The following RSAD2 variants were observed in gnomAD, a reference collection of about 807,000 sequenced individuals.
RSAD2 encodes S-adenosylmethionine-dependent nucleotide dehydratase RSAD2.
A neutral mutation model predicts 37.7 loss-of-function variants in RSAD2; 38 were observed. That is an observed-to-expected ratio of 1.01 (90% CI 0.78 to 1.32). RSAD2 has a LOEUF of 1.32. Among genes scored for constraint, RSAD2 ranks in the 40% most tolerant of loss-of-function variants. The probability of loss-of-function intolerance (pLI) is 0.00; values close to 1 mark genes in which losing one functional copy is unlikely to be tolerated. For missense variants in RSAD2, 428 were observed against 437.5 expected, an observed-to-expected ratio of 0.98 and a Z score of 0.19; for synonymous variants, 163 against 157.4, an observed-to-expected ratio of 1.04 and a Z score of -0.27.
At chr2:6,882,100 C>T (rs536433822) in intron 1 of RSAD2, among the ~76,000 whole-genome samples, 20 of 152,310 alleles carry the variant, frequency 1.3e-4, no homozygotes, top group African/African-American at 4.8e-4. Flanking sequence ...AACCAGTTTA[C>T]CTCTCTGTCT....
rs775901190 is a variant in RSAD2, at chr2:6,883,431, T to A, written c.407T>A (p.Leu136Gln). 6.2e-7 allele frequency: 1 copy of A among 1,614,196 alleles called. No homozygotes were observed. Among genetic ancestry groups the A allele is most frequent in the Non-Finnish European group, 8.5e-7 (1 of 1,180,036 alleles). ...EPFLQDRGEY[L>Q]GKLVRFCKVE... is the part of the protein sequence containing the mutation. ...TTTCTTCAAGACCGGGGAGAATACCTGGGCAAGTTGGTGAGGTTCTGCAAA... is the reference window on the plus strand; with the variant it reads ...TTTCTTCAAGACCGGGGAGAATACCAGGGCAAGTTGGTGAGGTTCTGCAAA... The change falls in exon 2 of 6, where the codon CTG (leucine) becomes CAG (glutamine). Residue 136 changes from leucine to glutamine, a missense_variant. By Grantham distance (113) the Leu-to-Gln change is moderately radical. Transcript: ENST00000382040.
chr2:6,879,298 T>G (rs994877961), intron 1 of RSAD2, among the ~76,000 whole-genome samples: 1 of 152,012 alleles, frequency 6.6e-6, no homozygotes, highest in Non-Finnish European at 1.5e-5. Context: ...CATTGAAAAC[T>G]CCTGATCTTT....
Position 6,878,032 on chromosome 2 carries a change from C to T in RSAD2, c.232C>T (p.His78Tyr). The change falls in exon 1 of 6, where the codon CAC (histidine) becomes TAC (tyrosine). Residue 78 changes from histidine to tyrosine, a missense_variant. His to Tyr is a moderately conservative substitution (Grantham distance 83). Coordinates refer to ENST00000382040, the MANE Select transcript of RSAD2 (RefSeq NM_080657.5). ...LPTTPTSVNY[H>Y]FTRQCNYKCG... ...CACCACCCCAACCAGCGTCAACTAT[C>T]ACTTCACTCGCCAGTGCAACTACAA... The T allele has an allele frequency of 6.2e-7, 1 of 1,614,222 alleles. No individual in the cohort carries two copies. The highest frequency in any genetic ancestry group is 8.5e-7 in the Non-Finnish European group (1 of 1,180,032).
At chr2:6,866,678 C>G (rs1663098877) in intron 1 of RSAD2, 1 of 153,786 alleles carries the variant, frequency 6.5e-6, no homozygotes, top group Non-Finnish European at 1.4e-5. Context: ...ATATTTTATT[C>G]TGTGTTTACT....
chr2:6,875,478 T>A (rs988738957), upstream of RSAD2, among the ~76,000 whole-genome samples: 4 of 152,202 alleles, frequency 2.6e-5, no homozygotes, highest in African/African-American at 9.6e-5. Flanking sequence ...AGTTCTGAAT[T>A]CATCCAGATG....
At position 6,886,950 on chromosome 2, in the gene RSAD2, T is replaced by G. The variant is rs940765990; in HGVS notation, c.524T>G (p.Ile175Ser). Reference sequence around the variant, plus strand: ...TTTCCCTCAGGTGAGTATTTGGACATTCTCGCTATCTCCTGTGACAGCTTT... The same window carrying G: ...TTTCCCTCAGGTGAGTATTTGGACAGTCTCGCTATCTCCTGTGACAGCTTT... ...WFQNYGEYLD[I>S]LAISCDSFDE... The change falls in exon 3 of 6, where the codon ATT becomes AGT. Residue 175 changes from isoleucine (I) to serine (S), a missense_variant. Ile to Ser is a moderately radical substitution (Grantham distance 142). Transcript: ENST00000382040. 1 of 1,614,002 alleles carries G rather than the reference T, an allele frequency of 6.2e-7. No homozygotes were observed. Among genetic ancestry groups the G allele is most frequent in the African/African-American group, 1.3e-5 (1 of 75,054 alleles).
intron 1 of RSAD2, among the ~76,000 whole-genome samples, chr2:6,881,103 C>T (rs953716479): frequency 3.9e-5 from 6 of 152,210 alleles, no homozygotes; most frequent in African/African-American, 1.4e-4. Context: ...ATATACTCCT[C>T]AAAATTGTTA....
At chr2:6,895,630 C>T (rs1480057140) in intron 5 of RSAD2, 148 bp from the exon 6 acceptor site, 27 of 730,680 alleles carry the variant, frequency 3.7e-5, no homozygotes, top group Non-Finnish European at 2.2e-6. Flanking sequence ...GAGATGGGGT[C>T]CAAGGGGTTC....
intron 1 of RSAD2, among the ~76,000 whole-genome samples, chr2:6,868,106 C>T (rs369347061): frequency 6.6e-5 from 10 of 152,144 alleles, no homozygotes; most frequent in African/African-American, 2.4e-4. Flanking sequence ...AATGAATGAA[C>T]AGCACAGCTA....
chr2:6,887,600 A>G (rs750601134), intron 3 of RSAD2, among the ~76,000 whole-genome samples: 2 of 152,232 alleles, frequency 1.3e-5, no homozygotes, highest in Non-Finnish European at 2.9e-5. Flanking sequence ...CCCAAGTTGT[A>G]GCAAAATGGG....
intron 2 of RSAD2, among the ~76,000 whole-genome samples, chr2:6,886,103 A>G (rs1205066970): frequency 6.6e-6 from 1 of 152,250 alleles, no homozygotes; most frequent in Non-Finnish European, 1.5e-5. Flanking sequence ...CGACTCTTAA[A>G]AAGTCACAAA....
chr2:6,891,599 C>G (rs901024214), intron 4 of RSAD2, among the ~76,000 whole-genome samples: 5 of 152,056 alleles, frequency 3.3e-5, no homozygotes, highest in African/African-American at 1.2e-4. Flanking sequence ...AACCCCATCT[C>G]TACTGAAAAT....
chr2:6,893,402 G>T (rs924076513), intron 4 of RSAD2, among the ~76,000 whole-genome samples: 2 of 152,188 alleles, frequency 1.3e-5, no homozygotes, highest in African/African-American at 4.8e-5. Flanking sequence ...TTGCCTTGGG[G>T]TTCAATGTCA....
At chr2:6,880,333 C>T (rs538535794) in intron 1 of RSAD2, among the ~76,000 whole-genome samples, 2 of 152,298 alleles carry the variant, frequency 1.3e-5, no homozygotes, top group East Asian at 1.9e-4. Context: ...CACTCTCTTA[C>T]AGACTAAGAG....
At position 6,897,041 on chromosome 2, in the gene RSAD2, C is replaced by G. The variant is rs984854679; in HGVS notation, c.*1099C>G. 7.9e-5 allele frequency: 12 copies of G among 152,076 alleles called. No homozygotes were observed. The East Asian group carries it at 2.3e-3, about 29-fold the overall frequency. 9.4% of individuals were successfully genotyped at this position (152,076 alleles called of 1,614,324 possible). A position where few individuals can be genotyped will look rare whatever the true frequency, so the allele number is the denominator to read the frequency against. On this transcript the variant is annotated 3_prime_UTR_variant, in exon 6 of 6. Transcript: ENST00000382040. ...TGCCTGGATTTCATGTCAGTGAAGC[C>G]AAGTCACCATATCATATTTTTGAAT...
At chr2:6,878,932 C>T in intron 1 of RSAD2, 1 of 907,382 alleles carries the variant, frequency 1.1e-6, no homozygotes, top group Non-Finnish European at 1.6e-6. Context: ...TCTGGATGTG[C>T]ACCCTGATGA....
intron 1 of RSAD2, among the ~76,000 whole-genome samples, chr2:6,869,472 G>A (rs1046217532): frequency 2.0e-5 from 3 of 152,134 alleles, no homozygotes; most frequent in Non-Finnish European, 4.4e-5. Context: ...ACACAGACAC[G>A]TAAACCCAAA....
At chr2:6,880,115 A>C (rs538581019) in intron 1 of RSAD2, among the ~76,000 whole-genome samples, 1 of 152,226 alleles carries the variant, frequency 6.6e-6, no homozygotes, top group African/African-American at 2.4e-5. Context: ...AGTAAGTAAA[A>C]CAAAAGTTAA....
At chr2:6,873,516 G>A (rs1360116935), upstream of RSAD2, among the ~76,000 whole-genome samples, 1 of 152,164 alleles carries the variant, frequency 6.6e-6, no homozygotes, top group Non-Finnish European at 1.5e-5. Context: ...TAAACTAAGA[G>A]TCTGTGTTTT....
Sources: gnomAD v4.1 joint callset for allele counts (sites outside exome capture counted in the v4.1 genomes callset) on GRCh38, gnomAD v4.1.1 for gene constraint, MANE v1.5 for transcripts, NCBI Gene and HGNC (gene_info 2026-07-23, HGNC 2026-07-21) for gene names.